Variants in RALYL observed in about 807,000 individuals in gnomAD.
The protein encoded by RALYL is RNA-binding Raly-like protein.
Under a neutral mutation model 35.1 loss-of-function variants are expected in RALYL, and 29 were observed. That is an observed-to-expected ratio of 0.83 (90% CI 0.61 to 1.13). The LOEUF (loss-of-function observed/expected upper bound fraction) is 1.13, where lower values mean the gene tolerates loss of function less well. RALYL is among the 50% of genes most tolerant of loss of function. RALYL has a pLI of 0.00. For synonymous variants in RALYL, 120 were observed against 127.6 expected (o/e 0.94, Z 0.40); for missense variants, 359 against 360.4 (o/e 1.00, Z 0.03).
At chr8:84,720,793 C>CAA (rs199507643) in intron 2 of RALYL, among the ~76,000 whole-genome samples, 5 of 146,566 alleles carry the variant, frequency 3.4e-5, no homozygotes, top group African/African-American at 1.0e-4. Flanking sequence ...AACTCAATAG[C>CAA]AAAAAAAAAC....
At chr8:84,685,609 T>A (rs1836596791) in intron 2 of RALYL, among the ~76,000 whole-genome samples, 1 of 152,192 alleles carries the variant, frequency 6.6e-6, no homozygotes, top group Admixed American at 6.5e-5. Flanking sequence ...GTCAGTTCTG[T>A]TATAAATATG....
At chr8:84,314,680 G>T (rs892578509) in intron 1 of RALYL, among the ~76,000 whole-genome samples, 3 of 152,118 alleles carry the variant, frequency 2.0e-5, no homozygotes, top group African/African-American at 7.2e-5. Context: ...GAGCTATGAG[G>T]CTGGAGTTAC....
At chr8:84,503,796 C>A (rs945957538) in intron 1 of RALYL, among the ~76,000 whole-genome samples, 1 of 151,232 alleles carries the variant, frequency 6.6e-6, no homozygotes, top group Non-Finnish European at 1.5e-5. Flanking sequence ...GCAGGAGAAT[C>A]GGCTTGAGTG....
chr8:84,826,775 C>A (rs988646733), intron 4 of RALYL, among the ~76,000 whole-genome samples: 1 of 151,776 alleles, frequency 6.6e-6, no homozygotes, highest in Non-Finnish European at 1.5e-5. Flanking sequence ...CACACCCCCA[C>A]GCCCCCGCCA....
At chr8:84,844,806 G>C (rs537114598) in intron 4 of RALYL, among the ~76,000 whole-genome samples, 1 of 152,064 alleles carries the variant, frequency 6.6e-6, no homozygotes, top group Non-Finnish European at 1.5e-5. Context: ...TAATGAGTTC[G>C]TGTCCTTTGT....
At chr8:84,901,644 T>G (rs1332339195) in intron 8 of RALYL, among the ~76,000 whole-genome samples, 1 of 152,094 alleles carries the variant, frequency 6.6e-6, no homozygotes, top group African/African-American at 2.4e-5. Context: ...AGAAGTGGGA[T>G]GAAAGACTGG....
At chr8:84,378,522 A>G (rs1025091563) in intron 1 of RALYL, among the ~76,000 whole-genome samples, 3 of 151,928 alleles carry the variant, frequency 2.0e-5, no homozygotes, top group Admixed American at 1.3e-4. Flanking sequence ...TATACCCCTG[A>G]AAACAATAGA....
At chr8:84,847,029 T>C (rs1834805228) in intron 4 of RALYL, among the ~76,000 whole-genome samples, 1 of 152,244 alleles carries the variant, frequency 6.6e-6, no homozygotes, top group South Asian at 2.1e-4. Context: ...AATTCCCCCA[T>C]ATACTGTATT....
At chr8:84,311,261 C>A (rs549880018) in intron 1 of RALYL, among the ~76,000 whole-genome samples, 62 of 151,558 alleles carry the variant, frequency 4.1e-4, no homozygotes, top group African/African-American at 1.4e-3. Flanking sequence ...TCATTATCAC[C>A]ACTACTGTTT....
chr8:84,484,430 T>A (rs532919915), intron 1 of RALYL, among the ~76,000 whole-genome samples: 15 of 152,192 alleles, frequency 9.9e-5, no homozygotes, highest in African/African-American at 3.6e-4. Flanking sequence ...TAATTCTGTC[T>A]GTGCTTTTCA....
chr8:84,658,168 C>T (rs1287226504), intron 2 of RALYL, among the ~76,000 whole-genome samples: 1 of 152,172 alleles, frequency 6.6e-6, no homozygotes, highest in Non-Finnish European at 1.5e-5. Context: ...AGACATGAAA[C>T]TCAACTGCAC....
At chr8:84,730,218 G>A (rs2132822841) in intron 2 of RALYL, among the ~76,000 whole-genome samples, 1 of 152,138 alleles carries the variant, frequency 6.6e-6, no homozygotes, top group East Asian at 1.9e-4. Flanking sequence ...TGGGATGCAA[G>A]GCTGGTTCAA....
At chr8:84,297,220 C>G (rs1314092002) in intron 1 of RALYL, among the ~76,000 whole-genome samples, 1 of 151,984 alleles carries the variant, frequency 6.6e-6, no homozygotes, top group African/African-American at 2.4e-5. Context: ...TGTCTACCCT[C>G]AAGTAGGCCC....
chr8:84,540,445 G>A (rs992500709), intron 2 of RALYL, among the ~76,000 whole-genome samples: 2 of 151,890 alleles, frequency 1.3e-5, no homozygotes, highest in East Asian at 1.9e-4. Flanking sequence ...TTTCATGCAC[G>A]CATTCAAATG....
At chr8:84,771,278 A>G (rs986966908) in intron 2 of RALYL, among the ~76,000 whole-genome samples, 5 of 151,884 alleles carry the variant, frequency 3.3e-5, no homozygotes, top group African/African-American at 1.2e-4. Flanking sequence ...TTTGGTAAAT[A>G]TGCTACCATT....
chr8:84,288,816 TAAA>T (rs1354634668), intron 1 of RALYL, among the ~76,000 whole-genome samples: 1 of 152,182 alleles, frequency 6.6e-6, no homozygotes, highest in Non-Finnish European at 1.5e-5. Flanking sequence ...ATTAGATATT[TAAA>T]AATTCTTTTT....
Position 84,640,593 on chromosome 8 carries a change from A to C in RALYL, c.256+111016A>C, listed in dbSNP as rs534327902. On this transcript the variant is annotated intron_variant, in intron 2 of 8. Transcript: ENST00000521268. The stretch of plus-strand genomic sequence containing the variant: ...CAAAATCAGGTTATACTGGAGGAAA[A>C]CATTGCTTTTCTAGACCCTCGAGAT... Among the ~76,000 whole-genome samples the C allele has an allele frequency of 5.3e-5, 8 of 152,088 alleles. No individual in the cohort carries two copies. In the South Asian group the frequency reaches 8.3e-4, roughly 16 times the overall value.
At chr8:84,801,110 A>C (rs2133969435) in intron 3 of RALYL, among the ~76,000 whole-genome samples, 1 of 152,316 alleles carries the variant, frequency 6.6e-6, no homozygotes, top group South Asian at 2.1e-4. Context: ...AAAGCAGAGC[A>C]TCATTCAACA....
At chr8:84,845,317 C>T (rs1834402834) in intron 4 of RALYL, among the ~76,000 whole-genome samples, 1 of 152,048 alleles carries the variant, frequency 6.6e-6, no homozygotes, top group African/African-American at 2.4e-5. Flanking sequence ...AATTAGCAAC[C>T]ATTCCCTTTT....
Sources: gnomAD v4.1 joint callset for allele counts (sites outside exome capture counted in the v4.1 genomes callset) on GRCh38, gnomAD v4.1.1 for gene constraint, MANE v1.5 for transcripts, NCBI Gene and HGNC (gene_info 2026-07-23, HGNC 2026-07-21) for gene names.